Variants in DDX31 observed in about 807,000 individuals in gnomAD.
The protein encoded by DDX31 is ATP-dependent DNA helicase DDX31.
Under a neutral mutation model 91.3 loss-of-function variants are expected in DDX31, and 70 were observed. The observed-to-expected ratio is 0.77, with a 90% CI of 0.63 to 0.94. The LOEUF (loss-of-function observed/expected upper bound fraction) is 0.94, where lower values mean the gene tolerates loss of function less well. Among genes scored for constraint, DDX31 ranks in the 40% least tolerant of loss-of-function variants. The probability of loss-of-function intolerance (pLI) is 0.00; values close to 1 mark genes in which losing one functional copy is unlikely to be tolerated. For synonymous variants in DDX31, 362 were observed against 350.6 expected, an observed-to-expected ratio of 1.03 and a Z score of -0.36; for missense variants, 902 against 925.0, an observed-to-expected ratio of 0.98 and a Z score of 0.32.
intron 17 of DDX31, among the ~76,000 whole-genome samples, chr9:132,621,561 C>T (rs1188386759): frequency 6.6e-6 from 1 of 152,168 alleles, no homozygotes; most frequent in Non-Finnish European, 1.5e-5. Context: ...GCTTCAATCA[C>T]GCTGGGTGAA....
At chr9:132,661,306 G>A (rs901062293) in intron 3 of DDX31, 55 bp from the exon 4 acceptor site, 41 of 1,373,178 alleles carry the variant, frequency 3.0e-5, no homozygotes, top group African/African-American at 8.7e-5. Context: ...AATATTTAAC[G>A]GAAATTACAC....
chr9:132,624,085 C>G (rs1372274365), intron 17 of DDX31, among the ~76,000 whole-genome samples: 1 of 144,418 alleles, frequency 6.9e-6, no homozygotes, highest in Non-Finnish European at 1.5e-5. Flanking sequence ...AAGAATCACT[C>G]GAACCTGGGA....
chr9:132,652,594 T>C, intron 6 of DDX31, 102 bp from the exon 7 acceptor site: 1 of 1,432,078 alleles, frequency 7.0e-7, no homozygotes, highest in East Asian at 2.3e-5. Flanking sequence ...TCAGAAGCAC[T>C]CTTAATGAAG....
chr9:132,668,810 C>T (rs1761676591), intron 1 of DDX31, among the ~76,000 whole-genome samples: 1 of 152,124 alleles, frequency 6.6e-6, no homozygotes, highest in Admixed American at 6.5e-5. Flanking sequence ...CCTCGTGATC[C>T]GCCTGCCTCG....
At position 132,594,575 on chromosome 9, in the gene DDX31, C is replaced by T. The variant is rs985528588; in HGVS notation, c.*291G>A. 3 of 310,302 alleles carry T rather than the reference C, an allele frequency of 9.7e-6. No homozygotes were observed. The highest frequency in any genetic ancestry group is 2.1e-5 in the African/African-American group (1 of 46,804). 19.2% of individuals were successfully genotyped at this position (310,302 alleles called of 1,614,324 possible). On this transcript the variant is annotated 3_prime_UTR_variant, in exon 20 of 20. Transcript: ENST00000372159. Reference sequence around the variant, plus strand: ...ACATCCCGGGGTGCCAGCTCAACCCCGGCACGTCAGCACCTGGGTGAAGGG... The same window carrying T: ...ACATCCCGGGGTGCCAGCTCAACCCTGGCACGTCAGCACCTGGGTGAAGGG...
chr9:132,645,876 C>T lies in DDX31; in HGVS notation c.1380+19G>A, dbSNP rs1431514653. 3.1e-6 allele frequency: 5 copies of T among 1,599,624 alleles called. No homozygotes were observed. The Admixed American group carries it at 6.8e-5, about 22-fold the overall frequency. On this transcript the variant is annotated intron_variant, in intron 13 of 19. Coordinates refer to ENST00000372159, the MANE Select transcript of DDX31 (RefSeq NM_022779.9). ...GTGGGGCCGCAGTGTTGTCGCTGCA[C>T]AGGGAGATCAGTGCTCACCTCCTGC...
At chr9:132,628,190 G>A (rs905531522) in intron 16 of DDX31, among the ~76,000 whole-genome samples, 1 of 152,210 alleles carries the variant, frequency 6.6e-6, no homozygotes, top group Non-Finnish European at 1.5e-5. Flanking sequence ...CACCCACGAG[G>A]CAGCAGCAGT....
intron 18 of DDX31, among the ~76,000 whole-genome samples, chr9:132,617,457 A>T (rs1156378410): frequency 6.6e-6 from 1 of 152,028 alleles, no homozygotes; most frequent in Non-Finnish European, 1.5e-5. Context: ...TTGATCTCGC[A>T]TGCATTCCAA....
At position 132,618,366 on chromosome 9, in the gene DDX31, G is replaced by A; in HGVS notation, c.1789C>T (p.His597Tyr). 1 of 1,612,024 alleles carries A rather than the reference G, an allele frequency of 6.2e-7. No homozygotes were observed. The highest frequency in any genetic ancestry group is 8.5e-7 in the Non-Finnish European group (1 of 1,179,250). The change falls in exon 18 of 20, where the codon CAC becomes TAC. Residue 597 changes from histidine (H) to tyrosine (Y), a missense_variant. His to Tyr is a moderately conservative substitution (Grantham distance 83). Transcript: ENST00000372159. ...VLQTVFEDYV[H>Y]SSERRVSWAK... ...CAGGAGACCCTCCTCTCACTGGAGT[G>A]CACGTAATCTTCAAATACCGTCTGC...
intron 7 of DDX31, 24 bp from the exon 8 acceptor site, chr9:132,651,140 G>C (rs1192967956): frequency 1.3e-6 from 2 of 1,583,524 alleles, no homozygotes; most frequent in Non-Finnish European, 8.6e-7. Flanking sequence ...AAAAGTTATA[G>C]ATGATGAACA....
intron 16 of DDX31, among the ~76,000 whole-genome samples, chr9:132,627,752 G>A (rs1832484736): frequency 6.6e-6 from 1 of 152,196 alleles, no homozygotes; most frequent in Non-Finnish European, 1.5e-5. Context: ...AACTGCTAGG[G>A]CGAGCACCGC....
intron 13 of DDX31, among the ~76,000 whole-genome samples, chr9:132,644,553 C>G (rs750610517): frequency 2.0e-5 from 3 of 152,212 alleles, no homozygotes; most frequent in Non-Finnish European, 4.4e-5. Flanking sequence ...GCACGCTAGA[C>G]TACTCCCCTG....
chr9:132,638,315 T>G, intron 14 of DDX31: 4 of 1,613,976 alleles, frequency 2.5e-6, no homozygotes, highest in Non-Finnish European at 3.4e-6. Flanking sequence ...AACATAATGA[T>G]GGTATTAAAA....
rs556141300 is a variant in DDX31, at chr9:132,594,753, T to C, written c.*113A>G. 6.7e-7 allele frequency: 1 copy of C among 1,494,974 alleles called. No individual in the cohort carries two copies. Among genetic ancestry groups the C allele is most frequent in the African/African-American group, 1.4e-5 (1 of 71,316 alleles). 92.6% of individuals were successfully genotyped at this position (1,494,974 alleles called of 1,614,324 possible). The stretch of plus-strand genomic sequence containing the variant: ...GTGGCCCCTCTGATTCTTGGGGACG[T>C]GGTATTCAGGCAAAGGCGCAGTTAT... On this transcript the variant is annotated 3_prime_UTR_variant, in exon 20 of 20. Coordinates refer to ENST00000372159, the MANE Select transcript of DDX31 (RefSeq NM_022779.9).
intron 18 of DDX31, among the ~76,000 whole-genome samples, chr9:132,613,899 G>A (rs1809471291): frequency 6.6e-6 from 1 of 152,136 alleles, no homozygotes; most frequent in African/African-American, 2.4e-5. Context: ...ACTCCAACAA[G>A]GAAGGAGGGG....
At chr9:132,641,905 T>C in intron 14 of DDX31, 99 bp downstream of exon 14, 1 of 1,294,446 alleles carries the variant, frequency 7.7e-7, no homozygotes, top group Non-Finnish European at 1.1e-6. Context: ...TCCTGGGCCC[T>C]GTAGGACTGA....
Position 132,635,393 on chromosome 9 carries a change from T to G in DDX31, c.1441-3302A>C, listed in dbSNP as rs530449298. On this transcript the variant is annotated intron_variant, in intron 14 of 19. Transcript: ENST00000372159. Reference sequence around the variant, plus strand: ...TCCATTTCACAGCTCTGGGATACTTTTGTAAAAACAGCCCACCCCCAACCT... The same window carrying G: ...TCCATTTCACAGCTCTGGGATACTTGTGTAAAAACAGCCCACCCCCAACCT... Among the ~76,000 whole-genome samples, 18 of 152,090 alleles carry G rather than the reference T, an allele frequency of 1.2e-4. No individual in the cohort carries two copies. In the East Asian group the frequency reaches 1.4e-3, roughly 11 times the overall value.
At chr9:132,647,431 G>A (rs1833909320) in intron 11 of DDX31, among the ~76,000 whole-genome samples, 1 of 152,028 alleles carries the variant, frequency 6.6e-6, no homozygotes, top group Admixed American at 6.5e-5. Context: ...GGCCTTTATT[G>A]TGTTAATGTG....
chr9:132,630,569 G>A (rs1322047104), intron 15 of DDX31, among the ~76,000 whole-genome samples, 166 bp from the exon 16 acceptor site: 1 of 152,172 alleles, frequency 6.6e-6, no homozygotes, highest in Non-Finnish European at 1.5e-5. Flanking sequence ...GAAACTCCTG[G>A]CTTCATTGGA....
Sources: allele counts gnomAD v4.1 joint callset (sites outside exome capture counted in the v4.1 genomes callset), GRCh38; gene constraint gnomAD v4.1.1; transcripts MANE v1.5; gene names NCBI Gene and HGNC (gene_info 2026-07-23, HGNC 2026-07-21).